The following PLEKHA5 variants were observed in gnomAD, a reference collection of about 807,000 sequenced individuals.
The protein encoded by PLEKHA5 is pleckstrin homology domain-containing family A member 5.
In PLEKHA5, 55 loss-of-function variants were observed where a neutral mutation model predicts 181.9. That is an observed-to-expected ratio of 0.30 (90% CI 0.24 to 0.38). The LOEUF is 0.38. Among genes scored for constraint, PLEKHA5 ranks in the 10% least tolerant of loss-of-function variants. The pLI, the probability that PLEKHA5 is intolerant of heterozygous loss-of-function variation, is 1.00. For missense variants in PLEKHA5, 1,432 were observed against 1,549.5 expected (o/e 0.92, Z 1.27); for synonymous variants, 535 against 529.4 (o/e 1.01, Z -0.15).
At chr12:19,170,553 G>A (rs1192049991) in intron 3 of PLEKHA5, among the ~76,000 whole-genome samples, 1 of 151,090 alleles carries the variant, frequency 6.6e-6, no homozygotes, top group Non-Finnish European at 1.5e-5. Flanking sequence ...CGGAGTAGCT[G>A]TGATTACAGG....
At chr12:19,239,482 C>T (rs980361118) in intron 3 of PLEKHA5, among the ~76,000 whole-genome samples, 1 of 152,066 alleles carries the variant, frequency 6.6e-6, no homozygotes. Context: ...TTTCTCAGTG[C>T]TTGAGGATAA....
chr12:19,176,614 G>A (rs530979222), intron 3 of PLEKHA5: 80 of 152,250 alleles, frequency 5.3e-4, no homozygotes, highest in African/African-American at 1.9e-3. Flanking sequence ...ACAGAGATTA[G>A]CAAGTGTTGT....
intron 16 of PLEKHA5, among the ~76,000 whole-genome samples, chr12:19,318,109 T>C (rs913627969): frequency 6.0e-5 from 9 of 151,202 alleles, no homozygotes; most frequent in African/African-American, 2.2e-4. Context: ...TTTTCAATTC[T>C]ATGAAGGCGT....
At chr12:19,200,217 G>A in intron 3 of PLEKHA5, 1 of 723,760 alleles carries the variant, frequency 1.4e-6, no homozygotes. Flanking sequence ...CACTTTCCAT[G>A]CAGCAACAAA....
At chr12:19,276,195 A>G (rs372893785) in intron 11 of PLEKHA5, among the ~76,000 whole-genome samples, 209 of 152,312 alleles carry the variant, frequency 1.4e-3, no homozygotes, top group African/African-American at 4.9e-3. Flanking sequence ...TGGGGAATCA[A>G]TGAGTGAAGA....
intron 29 of PLEKHA5, among the ~76,000 whole-genome samples, chr12:19,363,284 T>C (rs969240290): frequency 1.3e-4 from 19 of 151,682 alleles, no homozygotes; most frequent in African/African-American, 4.1e-4. Context: ...CCTGAGTAGC[T>C]CAGACTACAG....
intron 8 of PLEKHA5, among the ~76,000 whole-genome samples, chr12:19,266,684 T>C (rs1191503378): frequency 1.3e-5 from 2 of 151,574 alleles, no homozygotes; most frequent in Non-Finnish European, 2.9e-5. Context: ...CAGAAAAGGC[T>C]CAGGTGGGAG....
intron 11 of PLEKHA5, among the ~76,000 whole-genome samples, chr12:19,277,141 G>A (rs1199658827): frequency 6.7e-6 from 1 of 149,528 alleles, no homozygotes; most frequent in Non-Finnish European, 1.5e-5. Flanking sequence ...AAAAGAAGCA[G>A]GAAGCAGGTC....
intron 3 of PLEKHA5, among the ~76,000 whole-genome samples, chr12:19,169,366 C>A (rs2045369245): frequency 6.6e-6 from 1 of 152,128 alleles, no homozygotes; most frequent in African/African-American, 2.4e-5. Flanking sequence ...GAATCTGAGC[C>A]CTTTCTCCCT....
intron 29 of PLEKHA5, among the ~76,000 whole-genome samples, chr12:19,363,044 C>T (rs913576385): frequency 6.6e-6 from 1 of 151,914 alleles, no homozygotes; most frequent in African/African-American, 2.4e-5. Context: ...TGACATTGGT[C>T]AAAATTCTAA....
Position 19,325,922 on chromosome 12 carries a change from G to T in PLEKHA5, c.2448+3255G>T, listed in dbSNP as rs1050781022. Reference sequence around the variant, plus strand: ...CTCAGGAGGCTGAGACAGGAGAATCGCTTGAACCCGGGAGGCTGAGGTTGC... The same window carrying T: ...CTCAGGAGGCTGAGACAGGAGAATCTCTTGAACCCGGGAGGCTGAGGTTGC... On this transcript the variant is annotated intron_variant, in intron 20 of 31. Coordinates refer to ENST00000429027, the MANE Select transcript of PLEKHA5 (RefSeq NM_001256470.2). 4.6e-5 allele frequency among the ~76,000 whole-genome samples: 7 copies of T among 151,970 alleles called. No individual in the cohort carries two copies. The East Asian group carries it at 1.4e-3, about 29-fold the overall frequency.
At chr12:19,230,807 T>C (rs1365696517) in intron 3 of PLEKHA5, among the ~76,000 whole-genome samples, 1 of 152,104 alleles carries the variant, frequency 6.6e-6, no homozygotes, top group Non-Finnish European at 1.5e-5. Flanking sequence ...GCTCCCACAG[T>C]GCAGTGGCAA....
At chr12:19,311,489 C>A (rs1446535629) in intron 15 of PLEKHA5, among the ~76,000 whole-genome samples, 1 of 151,678 alleles carries the variant, frequency 6.6e-6, no homozygotes, top group African/African-American at 2.4e-5. Context: ...TGAATCCTCT[C>A]AAACTCTGCT....
In PLEKHA5 at chr12:19,155,440, T is replaced by A. The variant is rs564268561; in HGVS notation, c.227+22990T>A. 2.4e-4 allele frequency among the ~76,000 whole-genome samples: 36 copies of A among 152,294 alleles called. No individual in the cohort carries two copies. The South Asian group carries it at 7.5e-3, about 32-fold the overall frequency. The stretch of plus-strand genomic sequence containing the variant: ...CTTGTTTTTTCTTCACGTCCTTTTT[T>A]TGTATGTGTGCATTTTGCTTAGTCT... On this transcript the variant is annotated intron_variant, in intron 3 of 31. Transcript: ENST00000429027.
intron 3 of PLEKHA5, chr12:19,153,164 A>G (rs772100924): frequency 6.6e-6 from 1 of 152,178 alleles, no homozygotes; most frequent in African/African-American, 2.4e-5. Context: ...ACTAAGAATG[A>G]TATCTGATGA....
intron 25 of PLEKHA5, among the ~76,000 whole-genome samples, chr12:19,350,060 C>T (rs1327798495): frequency 6.6e-6 from 1 of 152,170 alleles, no homozygotes. Context: ...TGCAGTGAGC[C>T]AAGATCGTGC....
At chr12:19,210,289 C>T (rs2056643379) in intron 3 of PLEKHA5, among the ~76,000 whole-genome samples, 1 of 152,228 alleles carries the variant, frequency 6.6e-6, no homozygotes, top group African/African-American at 2.4e-5. Context: ...TACAAATATT[C>T]AGAGATTTTT....
intron 3 of PLEKHA5, among the ~76,000 whole-genome samples, chr12:19,142,862 A>C (rs1167545943): frequency 6.6e-6 from 1 of 152,108 alleles, no homozygotes; most frequent in African/African-American, 2.4e-5. Context: ...AACTTCTTTT[A>C]GCTTCCACAT....
At chr12:19,171,593 A>C (rs761098809) in intron 3 of PLEKHA5, among the ~76,000 whole-genome samples, 27 of 152,092 alleles carry the variant, frequency 1.8e-4, no homozygotes, top group Non-Finnish European at 2.9e-4. Flanking sequence ...TACTGACCTC[A>C]AATAATCAGC....
Sources: gnomAD v4.1 joint callset for allele counts (sites outside exome capture counted in the v4.1 genomes callset) on GRCh38, gnomAD v4.1.1 for gene constraint, MANE v1.5 for transcripts, NCBI Gene and HGNC (gene_info 2026-07-23, HGNC 2026-07-21) for gene names.